Variants in UBE2H observed in about 807,000 individuals in gnomAD.
The protein encoded by UBE2H is ubiquitin conjugating enzyme E2 H, also known as ubiquitin-conjugating enzyme E2 H.
A neutral mutation model predicts 29.0 loss-of-function variants in UBE2H; 3 were observed. That is an observed-to-expected ratio of 0.10 (90% confidence interval 0.05 to 0.27). The LOEUF is 0.27. Among genes scored for constraint, UBE2H ranks in the 10% least tolerant of loss-of-function variants. UBE2H has a pLI of 1.00. For synonymous variants in UBE2H, 69 were observed against 82.9 expected (o/e 0.83, Z 0.91); for missense variants, 68 against 228.2 (o/e 0.30, Z 4.52).
intron 1 of UBE2H, among the ~76,000 whole-genome samples, chr7:129,902,316 T>C (rs1266939890): frequency 6.6e-6 from 1 of 152,088 alleles, no homozygotes; most frequent in Non-Finnish European, 1.5e-5. Flanking sequence ...CTGGCCAATA[T>C]GGCAAAACCC....
At chr7:129,861,462 T>C (rs951007760) in intron 3 of UBE2H, among the ~76,000 whole-genome samples, 1 of 152,182 alleles carries the variant, frequency 6.6e-6, no homozygotes, top group Non-Finnish European at 1.5e-5. Flanking sequence ...GGGAAAAGGC[T>C]AGAAGAAAAC....
At chr7:129,854,068 T>TTTTTTTTTTATTTATTTTTTA (rs1554430951) in intron 5 of UBE2H, among the ~76,000 whole-genome samples, 2 of 148,706 alleles carry the variant, frequency 1.3e-5, no homozygotes, top group Non-Finnish European at 3.0e-5. Flanking sequence ...TAGTTTTTTT[T>TTTTTTTTTTATTTATTTTTTA]TTTTTTTTTT....
chr7:129,934,082 G>A (rs912825247), intron 1 of UBE2H, among the ~76,000 whole-genome samples: 6 of 152,172 alleles, frequency 3.9e-5, no homozygotes, highest in Admixed American at 1.3e-4. Context: ...AGCACTTTGC[G>A]AGGCCAAGGT....
Position 129,949,055 on chromosome 7 carries a change from T to C in UBE2H, c.53+3448A>G, listed in dbSNP as rs548116596. The C allele has an allele frequency of 3.7e-5, 17 of 456,526 alleles. No homozygotes were observed. In the East Asian group the frequency reaches 6.9e-4, roughly 19 times the overall value. The allele number at this position is 456,526 out of a possible 1,614,324, so 28.3% of individuals were successfully genotyped here. A position where few individuals can be genotyped will look rare whatever the true frequency, so the allele number is the denominator to read the frequency against. The stretch of plus-strand genomic sequence containing the variant: ...GGAGCGGTGCCTGCGGCCTTTTGCC[T>C]GCATACGCTTTTCCAAAACAAGCAG... On this transcript the variant is annotated intron_variant, in intron 1 of 6. Transcript: ENST00000355621.
chr7:129,946,621 G>C (rs1807771404), intron 1 of UBE2H, among the ~76,000 whole-genome samples: 1 of 152,128 alleles, frequency 6.6e-6, no homozygotes, highest in Non-Finnish European at 1.5e-5. Flanking sequence ...GCAGTAACCT[G>C]TTTTAACAAA....
chr7:129,930,270 T>A (rs1016130905), intron 1 of UBE2H, among the ~76,000 whole-genome samples: 4 of 152,008 alleles, frequency 2.6e-5, no homozygotes, highest in African/African-American at 7.2e-5. Context: ...CAAGTAATTC[T>A]CCTGCCTCAG....
intron 6 of UBE2H, among the ~76,000 whole-genome samples, chr7:129,836,879 C>CAAAAAAAAAAGAAAAAAAA (rs1805337325): frequency 1.4e-5 from 1 of 73,756 alleles, no homozygotes; most frequent in Non-Finnish European, 2.6e-5. Context: ...GACTCCGTCT[C>CAAAAAAAAAAGAAAAAAAA]AAAAAAAAAA....
chr7:129,906,845 T>TTA (rs1806827967), intron 1 of UBE2H, among the ~76,000 whole-genome samples: 1 of 152,166 alleles, frequency 6.6e-6, no homozygotes, highest in South Asian at 2.1e-4. Flanking sequence ...GAGACCTACT[T>TTA]TAAACGCTTA....
chr7:129,872,912 G>A (rs1806071257), intron 3 of UBE2H, among the ~76,000 whole-genome samples: 1 of 150,214 alleles, frequency 6.7e-6, no homozygotes, highest in South Asian at 2.1e-4. Context: ...ATGCCAGACT[G>A]GGAGATTTAA....
At chr7:129,951,071 T>C (rs1807865282) in intron 1 of UBE2H, among the ~76,000 whole-genome samples, 2 of 152,234 alleles carry the variant, frequency 1.3e-5, no homozygotes, top group Admixed American at 6.5e-5. Flanking sequence ...AAACACCTTA[T>C]TTCTGAAAAG....
At chr7:129,894,801 T>C (rs1806568529) in intron 1 of UBE2H, among the ~76,000 whole-genome samples, 1 of 148,396 alleles carries the variant, frequency 6.7e-6, no homozygotes, top group African/African-American at 2.5e-5. Context: ...TACCCATCAT[T>C]TTTTTTTTTT....
intron 5 of UBE2H, among the ~76,000 whole-genome samples, chr7:129,843,151 G>A (rs530682064): frequency 6.6e-6 from 1 of 151,594 alleles, no homozygotes; most frequent in African/African-American, 2.4e-5. Flanking sequence ...GGCACACGCC[G>A]CCACATCCAG....
intron 1 of UBE2H, among the ~76,000 whole-genome samples, chr7:129,943,892 G>C (rs1396522264): frequency 6.6e-6 from 1 of 151,404 alleles, no homozygotes; most frequent in Non-Finnish European, 1.5e-5. Context: ...CTTTAAAAAA[G>C]GAAGATAAAG....
intron 1 of UBE2H, among the ~76,000 whole-genome samples, chr7:129,915,466 G>A (rs1050545485): frequency 1.3e-5 from 2 of 152,074 alleles, no homozygotes; most frequent in Non-Finnish European, 2.9e-5. Flanking sequence ...CCTGGGAGGC[G>A]GAGTTTGCAG....
In UBE2H at chr7:129,891,574, T is replaced by C. The variant is rs1022805329; in HGVS notation, c.54-10603A>G. ...ATCCCAGCACTTTGGGAGGCCAAGG[T>C]GGGCGGATCATGAGGTCAGGAGTTC... On this transcript the variant is annotated intron_variant, in intron 1 of 6. Transcript: ENST00000355621. Among the ~76,000 whole-genome samples, 24 of 152,030 alleles carry C rather than the reference T, an allele frequency of 1.6e-4. 1 individual carries two copies. Among genetic ancestry groups the C allele is most frequent in the Admixed American group, 1.3e-3 (20 of 15,270 alleles).
At chr7:129,914,447 G>A (rs930931464) in intron 1 of UBE2H, among the ~76,000 whole-genome samples, 6 of 152,122 alleles carry the variant, frequency 3.9e-5, no homozygotes, top group Non-Finnish European at 7.3e-5. Flanking sequence ...GATTACAGGC[G>A]TGAGCCACCA....
At chr7:129,905,265 T>C (rs375895196) in intron 1 of UBE2H, among the ~76,000 whole-genome samples, 2 of 151,766 alleles carry the variant, frequency 1.3e-5, no homozygotes, top group African/African-American at 4.8e-5. Flanking sequence ...TCTTTGTTCA[T>C]AGACATGAGG....
chr7:129,904,285 CT>C (rs199845683), intron 1 of UBE2H, among the ~76,000 whole-genome samples: 169 of 146,190 alleles, frequency 1.2e-3, no homozygotes, highest in Admixed American at 1.1e-3. Context: ...TAAGGTGTGT[CT>C]TTTTTTTTTT....
intron 4 of UBE2H, among the ~76,000 whole-genome samples, chr7:129,857,970 T>C (rs1031600652): frequency 5.9e-5 from 9 of 152,164 alleles, no homozygotes; most frequent in Admixed American, 3.3e-4. Flanking sequence ...ATCTATAAAA[T>C]AACTGGTCTA....
Sources: allele counts gnomAD v4.1 joint callset (sites outside exome capture counted in the v4.1 genomes callset), GRCh38; gene constraint gnomAD v4.1.1; transcripts MANE v1.5; gene names NCBI Gene and HGNC (gene_info 2026-07-23, HGNC 2026-07-21).